Variants in TBL1X observed in about 807,000 individuals in gnomAD.
TBL1X encodes the protein F-box-like/WD repeat-containing protein TBL1X.
A neutral mutation model predicts 50.7 loss-of-function variants in TBL1X; 10 were observed. That is an observed-to-expected ratio of 0.20 (90% CI 0.12 to 0.33). The LOEUF is 0.33. TBL1X is among the 10% of genes least tolerant of loss of function. The pLI is 1.00. For missense variants in TBL1X, 340 were observed against 504.4 expected, an observed-to-expected ratio of 0.67 and a Z score of 3.12; for synonymous variants, 190 against 214.7, an observed-to-expected ratio of 0.88 and a Z score of 1.01.
At chrX:9,543,775 C>A (rs745709247) in intron 2 of TBL1X, among the ~76,000 whole-genome samples, 38 of 111,683 alleles carry the variant, frequency 3.4e-4, no homozygotes, top group South Asian at 1.5e-3. Context: ...CGACACAAAT[C>A]GAAAATTCCA....
chrX:9,612,238 TG>T (rs757641289), intron 2 of TBL1X, among the ~76,000 whole-genome samples: 18 of 111,984 alleles, frequency 1.6e-4, no homozygotes, highest in Non-Finnish European at 3.4e-4. Context: ...ATTAAAAATT[TG>T]TCGGCAGATA....
At chrX:9,544,369 G>A (rs1405526879) in intron 2 of TBL1X, among the ~76,000 whole-genome samples, 2 of 111,214 alleles carry the variant, frequency 1.8e-5, no homozygotes, top group East Asian at 5.7e-4. Flanking sequence ...CTGCCTGAGT[G>A]TGCAGAGGTG....
intron 5 of TBL1X, among the ~76,000 whole-genome samples, chrX:9,676,353 T>C (rs2082994254): frequency 1.8e-5 from 2 of 112,113 alleles, no homozygotes; most frequent in South Asian, 3.7e-4. Context: ...GTTGTCTCGT[T>C]GTCCTAGCCC....
At chrX:9,697,552 G>C in intron 12 of TBL1X, 123 bp downstream of exon 12, 1 of 985,472 alleles carries the variant, frequency 1.0e-6, no homozygotes, top group Non-Finnish European at 1.4e-6. Flanking sequence ...CAGGTGGATT[G>C]CATGAGGTCA....
rs1196819184 is a variant in TBL1X, at chrX:9,470,379, G to C, written c.-201+4932G>C. 4.5e-5 allele frequency among the ~76,000 whole-genome samples: 5 copies of C among 112,192 alleles called. No individual in the cohort carries two copies. The East Asian group carries it at 1.4e-3, about 32-fold the overall frequency. On this transcript the variant is annotated intron_variant, in intron 1 of 17. Coordinates refer to ENST00000645353, the MANE Select transcript of TBL1X (RefSeq NM_005647.4). ...CAAGCGATTCTCCTCCTCAGCCTCC[G>C]GAGAAGCTGGGACTAGAGGCATGTG...
chrX:9,516,528 G>A (rs1397429504), intron 2 of TBL1X, among the ~76,000 whole-genome samples: 1 of 112,333 alleles, frequency 8.9e-6, no homozygotes, highest in Non-Finnish European at 1.9e-5. Flanking sequence ...ACTATTCAGG[G>A]TGGGGAAATA....
chrX:9,526,100 T>C (rs2082130886), intron 2 of TBL1X, among the ~76,000 whole-genome samples: 1 of 98,363 alleles, frequency 1.0e-5, no homozygotes, highest in Non-Finnish European at 2.0e-5. Context: ...CGTCTGTGCA[T>C]GTGTGTATGT....
chrX:9,688,809 C>T (rs2083078116), intron 7 of TBL1X, among the ~76,000 whole-genome samples: 1 of 113,397 alleles, frequency 8.8e-6, no homozygotes, highest in Admixed American at 9.2e-5. Flanking sequence ...TCCACTTAGA[C>T]ATACTGCTCT....
intron 2 of TBL1X, among the ~76,000 whole-genome samples, chrX:9,639,378 G>C (rs1159324489): frequency 9.0e-6 from 1 of 111,252 alleles, no homozygotes; most frequent in Non-Finnish European, 1.9e-5. Context: ...GAAAATGGTG[G>C]ACATTTAATT....
At chrX:9,651,011 C>T (rs371351902) in intron 3 of TBL1X, among the ~76,000 whole-genome samples, 493 of 30,929 alleles carry the variant, frequency 0.016, 8 homozygotes, top group African/African-American at 0.063. Context: ...AGCTGCCAGC[C>T]TTTTTTTTTT....
intron 16 of TBL1X, among the ~76,000 whole-genome samples, chrX:9,712,242 A>G (rs1309587535): frequency 8.9e-6 from 1 of 112,689 alleles, no homozygotes; most frequent in African/African-American, 3.2e-5. Flanking sequence ...CAGCTCCCTT[A>G]CGGAGCAGAC....
chrX:9,510,116 C>G (rs2082048129), intron 2 of TBL1X, among the ~76,000 whole-genome samples: 1 of 110,949 alleles, frequency 9.0e-6, no homozygotes, highest in Non-Finnish European at 1.9e-5. Flanking sequence ...GTTTGGTTGT[C>G]ACAGCTGATG....
rs143007203 is a variant in TBL1X at position 9,655,406 on chromosome X, G to A, written c.211+1084G>A. ...TTCAGATTTGTCCACATTTCCCCAC[G>A]GTAAAGACAGATTGGATTCGGAATT... On this transcript the variant is annotated intron_variant, in intron 5 of 17. Transcript: ENST00000645353. Among the ~76,000 whole-genome samples, 63 of 110,912 alleles carry A rather than the reference G, an allele frequency of 5.7e-4. No individual in the cohort carries two copies. In the East Asian group the frequency reaches 0.012, roughly 21 times the overall value.
chrX:9,679,846 C>T (rs1301666987), intron 5 of TBL1X, among the ~76,000 whole-genome samples: 1 of 112,028 alleles, frequency 8.9e-6, no homozygotes, highest in Non-Finnish European at 1.9e-5. Context: ...CTGGTTCTGG[C>T]AACTGTGGCC....
chrX:9,697,337 TACTA>T (rs758106819), intron 11 of TBL1X, 28 bp from the exon 12 acceptor site: 5 of 1,204,122 alleles, frequency 4.2e-6, no homozygotes, highest in Admixed American at 2.3e-5. Context: ...CCAGAATAGT[TACTA>T]ACTTTTTCCT....
At chrX:9,529,588 G>T (rs975569553) in intron 2 of TBL1X, among the ~76,000 whole-genome samples, 2 of 110,753 alleles carry the variant, frequency 1.8e-5, no homozygotes, top group African/African-American at 6.6e-5. Context: ...GATGTTGTTT[G>T]GGAGTAAGAA....
intron 2 of TBL1X, among the ~76,000 whole-genome samples, chrX:9,594,043 A>G (rs890791558): frequency 8.9e-6 from 1 of 112,600 alleles, no homozygotes; most frequent in Non-Finnish European, 1.9e-5. Flanking sequence ...CTGGCCTGGG[A>G]TCAGCATAGG....
intron 1 of TBL1X, among the ~76,000 whole-genome samples, chrX:9,482,602 A>G (rs1322097674): frequency 1.8e-5 from 2 of 112,007 alleles, no homozygotes; most frequent in Non-Finnish European, 3.8e-5. Context: ...CCGTGAGTAC[A>G]TGCAGGTAGC....
intron 2 of TBL1X, among the ~76,000 whole-genome samples, chrX:9,575,124 C>T (rs2082404529): frequency 9.0e-6 from 1 of 111,421 alleles, no homozygotes; most frequent in Non-Finnish European, 1.9e-5. Flanking sequence ...GAAGAGGAGG[C>T]AAGACACATC....
Sources: gnomAD v4.1 joint callset for allele counts (sites outside exome capture counted in the v4.1 genomes callset) on GRCh38, gnomAD v4.1.1 for gene constraint, MANE v1.5 for transcripts, NCBI Gene and HGNC (gene_info 2026-07-23, HGNC 2026-07-21) for gene names.